DTD1: variants seen among roughly 807,000 people sequenced by gnomAD.
DTD1 encodes the protein D-aminoacyl-tRNA deacylase 1, also known as D-tyrosyl-tRNA deacylase 1 homolog.
In DTD1, 13 loss-of-function variants were observed where a neutral mutation model predicts 25.6. The ratio of observed to expected loss-of-function variants is 0.51; its 90% confidence interval spans 0.33 to 0.81. The LOEUF is 0.81. Among genes scored for constraint, DTD1 ranks in the 30% least tolerant of loss-of-function variants. DTD1 has a pLI of 0.02. For synonymous variants in DTD1, 110 were observed against 103.6 expected (o/e 1.06, Z -0.37); for missense variants, 193 against 266.4 (o/e 0.72, Z 1.92).
intron 4 of DTD1, among the ~76,000 whole-genome samples, chr20:18,638,220 C>T (rs901964957): frequency 2.2e-5 from 3 of 137,876 alleles, no homozygotes; most frequent in African/African-American, 8.2e-5. Context: ...TCCATCTATC[C>T]ATCCACTCAC....
At chr20:18,597,424 T>C (rs898372670) in intron 3 of DTD1, among the ~76,000 whole-genome samples, 11 of 152,186 alleles carry the variant, frequency 7.2e-5, no homozygotes, top group Non-Finnish European at 2.9e-5. Flanking sequence ...AGTCAATTTT[T>C]TTAGTTAAGA....
rs1171309375 is a variant in DTD1, at chr20:18,588,078, G to A, written c.6G>A (p.Lys2=). 39 of 1,384,752 alleles carry A rather than the reference G, an allele frequency of 2.8e-5. No individual in the cohort carries two copies. The highest frequency in any genetic ancestry group is 1.0e-4 in the Admixed American group (3 of 29,060). The allele number at this position is 1,384,752 out of a possible 1,614,324, so 85.8% of individuals were successfully genotyped here. A position where few individuals can be genotyped will look rare whatever the true frequency, so the allele number is the denominator to read the frequency against. The change falls in exon 1 of 6, where the codon AAG becomes AAA. Residue 2 remains lysine, a synonymous_variant. Transcript: ENST00000377452. ...CACTCGCCCCAGCCGCCGCCATGAA[G>A]GCCGTGGTGCAGCGCGTCACCCGGG... M[K]AVVQRVTRAS...
At chr20:18,757,124 T>C (rs1205981666) in intron 5 of DTD1, among the ~76,000 whole-genome samples, 1 of 152,186 alleles carries the variant, frequency 6.6e-6, no homozygotes, top group Non-Finnish European at 1.5e-5. Context: ...TGATTTTGTA[T>C]CCTGAGACTT....
At chr20:18,657,179 T>G (rs2060894259) in intron 4 of DTD1, among the ~76,000 whole-genome samples, 2 of 152,198 alleles carry the variant, frequency 1.3e-5, no homozygotes, top group Non-Finnish European at 2.9e-5. Context: ...CTATGTGTGG[T>G]CTTTCTTTGG....
chr20:18,715,640 A>G (rs2061177284), intron 4 of DTD1, among the ~76,000 whole-genome samples: 2 of 152,198 alleles, frequency 1.3e-5, no homozygotes, highest in Non-Finnish European at 2.9e-5. Context: ...CATTGTTTAA[A>G]ATGAAACTCT....
At chr20:18,597,291 T>C (rs1427488177) in intron 3 of DTD1, among the ~76,000 whole-genome samples, 1 of 152,092 alleles carries the variant, frequency 6.6e-6, no homozygotes, top group Admixed American at 6.6e-5. Context: ...AAAATTTCTA[T>C]CAAAATTTAT....
At chr20:18,660,560 G>A (rs1486675782) in intron 4 of DTD1, among the ~76,000 whole-genome samples, 2 of 151,468 alleles carry the variant, frequency 1.3e-5, no homozygotes, top group South Asian at 2.1e-4. Context: ...GAAACTGAAA[G>A]AAAAAGGAAG....
intron 4 of DTD1, among the ~76,000 whole-genome samples, chr20:18,725,613 C>T (rs141475466): frequency 3.9e-5 from 6 of 152,252 alleles, no homozygotes; most frequent in East Asian, 1.9e-4. Context: ...GTGCTCCACT[C>T]GTTTTTTGCG....
In DTD1 at chr20:18,694,650, C is replaced by T. The variant is rs373178762; in HGVS notation, c.478-49450C>T. 7.2e-5 allele frequency among the ~76,000 whole-genome samples: 11 copies of T among 152,270 alleles called. 1 individual carries two copies. The highest frequency in any genetic ancestry group is 1.9e-4 in the East Asian group (1 of 5,184). The stretch of plus-strand genomic sequence containing the variant: ...AACAACTGGGTTAGGGAGCAGCAGC[C>T]GGGCCTTCCGAAATGATTGCATTTC... On this transcript the variant is annotated intron_variant, in intron 4 of 5. Coordinates refer to ENST00000377452, the MANE Select transcript of DTD1 (RefSeq NM_080820.6).
intron 4 of DTD1, among the ~76,000 whole-genome samples, chr20:18,665,947 A>G (rs767716000): frequency 6.6e-6 from 1 of 152,156 alleles, no homozygotes; most frequent in East Asian, 1.9e-4. Context: ...CCCACAACAT[A>G]TTGTCAAAAT....
chr20:18,702,366 A>G (rs1386073876), intron 4 of DTD1, among the ~76,000 whole-genome samples: 1 of 152,114 alleles, frequency 6.6e-6, no homozygotes, highest in Non-Finnish European at 1.5e-5. Context: ...ATTTGGCTTT[A>G]TCCTTGTTTT....
chr20:18,706,259 A>T (rs748405398), intron 4 of DTD1, among the ~76,000 whole-genome samples: 12 of 152,298 alleles, frequency 7.9e-5, no homozygotes, highest in Non-Finnish European at 1.3e-4. Flanking sequence ...GAATTGCGCC[A>T]CACCCTGTGT....
chr20:18,669,726 C>G (rs1192735599), intron 4 of DTD1, among the ~76,000 whole-genome samples: 1 of 152,150 alleles, frequency 6.6e-6, no homozygotes, highest in South Asian at 2.1e-4. Flanking sequence ...AACTTGAGGC[C>G]TTATCACTCC....
At chr20:18,620,656 A>G (rs918139635) in intron 3 of DTD1, among the ~76,000 whole-genome samples, 5 of 151,848 alleles carry the variant, frequency 3.3e-5, no homozygotes, top group African/African-American at 4.8e-5. Context: ...ATACAGTGGC[A>G]TGATCATAGC....
chr20:18,702,332 A>T (rs1307512435), intron 4 of DTD1, among the ~76,000 whole-genome samples: 3 of 152,202 alleles, frequency 2.0e-5, no homozygotes, highest in Non-Finnish European at 4.4e-5. Flanking sequence ...TTTTCTTGAC[A>T]ATTGAACCCT....
chr20:18,716,084 A>T (rs542134395), intron 4 of DTD1, among the ~76,000 whole-genome samples: 1 of 152,166 alleles, frequency 6.6e-6, no homozygotes, highest in East Asian at 1.9e-4. Context: ...AGGCATTTGG[A>T]TTCACCAGCA....
At position 18,686,372 on chromosome 20, in the gene DTD1, A is replaced by G. The variant is rs541114486; in HGVS notation, c.478-57728A>G. ...CTTGCACATCTATTTTTGCATATAT[A>G]CCTTTGGTAATTTCTGCAGGATAAA... is the stretch of plus-strand genomic sequence containing the variant. On this transcript the variant is annotated intron_variant, in intron 4 of 5. Transcript: ENST00000377452. Among the ~76,000 whole-genome samples the G allele has an allele frequency of 3.3e-5, 5 of 152,350 alleles. No homozygotes were observed. The South Asian group carries it at 8.3e-4, about 25-fold the overall frequency.
intron 4 of DTD1, among the ~76,000 whole-genome samples, chr20:18,665,481 T>C (rs933234477): frequency 1.3e-5 from 2 of 152,230 alleles, no homozygotes; most frequent in African/African-American, 4.8e-5. Context: ...AGCCTGGTGG[T>C]TCTGCCCTGG....
At chr20:18,643,352 G>T in intron 4 of DTD1, 1 of 249,826 alleles carries the variant, frequency 4.0e-6, no homozygotes, top group South Asian at 5.7e-5. Flanking sequence ...CTACCAGGTT[G>T]ATCTTGCTTA....
Sources: gnomAD v4.1 joint callset for allele counts (sites outside exome capture counted in the v4.1 genomes callset) on GRCh38, gnomAD v4.1.1 for gene constraint, MANE v1.5 for transcripts, NCBI Gene and HGNC (gene_info 2026-07-23, HGNC 2026-07-21) for gene names.